CCDC83: variants seen among roughly 807,000 people sequenced by gnomAD.
CCDC83 encodes coiled-coil domain-containing protein 83.
In CCDC83, 54 loss-of-function variants were observed where a neutral mutation model predicts 50.1. The ratio of observed to expected loss-of-function variants is 1.08; its 90% CI spans 0.87 to 1.35. The LOEUF (loss-of-function observed/expected upper bound fraction) is 1.35, where lower values mean the gene tolerates loss of function less well. Ranked by LOEUF, CCDC83 falls within the 40% of genes most tolerant of loss-of-function variation. CCDC83 has a pLI of 0.00. For synonymous variants in CCDC83, 161 were observed against 153.3 expected (o/e 1.05, Z -0.37); for missense variants, 518 against 473.9 (o/e 1.09, Z -0.86).
Position 85,919,934 on chromosome 11 carries a change from C to G in CCDC83, c.*424C>G, listed in dbSNP as rs1004123402. 1 of 175,858 alleles carries G rather than the reference C, an allele frequency of 5.7e-6. No individual in the cohort carries two copies. The highest frequency in any genetic ancestry group is 1.8e-4 in the East Asian group (1 of 5,406). 10.9% of individuals were successfully genotyped at this position (175,858 alleles called of 1,614,324 possible). On this transcript the variant is annotated 3_prime_UTR_variant, in exon 11 of 11. Transcript: ENST00000342404. Reference sequence around the variant, plus strand: ...TGTGATAGACAGCCAGTCTATAATGCAAGCCAATTCTCCGTAGTTTAACCC... The same window carrying G: ...TGTGATAGACAGCCAGTCTATAATGGAAGCCAATTCTCCGTAGTTTAACCC...
intron 7 of CCDC83, among the ~76,000 whole-genome samples, chr11:85,899,502 T>C (rs529672562): frequency 1.3e-3 from 200 of 152,322 alleles, no homozygotes; most frequent in Non-Finnish European, 2.2e-3. Flanking sequence ...CCATATCTCC[T>C]TATCCTCATC....
intron 10 of CCDC83, among the ~76,000 whole-genome samples, chr11:85,917,590 A>C (rs1300134435): frequency 2.6e-5 from 4 of 152,208 alleles, no homozygotes; most frequent in Non-Finnish European, 1.5e-5. Flanking sequence ...AGTTACTCCC[A>C]CAGCCATCCC....
At chr11:85,911,475 CAAA>C in intron 8 of CCDC83, 73 bp downstream of exon 8, 2 of 1,231,336 alleles carry the variant, frequency 1.6e-6, no homozygotes, top group Non-Finnish European at 2.2e-6. Flanking sequence ...TTTTTTAAAA[CAAA>C]AAAAGATGAT....
chr11:85,911,146 G>A, intron 7 of CCDC83, 135 bp from the exon 8 acceptor site: 1 of 717,982 alleles, frequency 1.4e-6, no homozygotes, highest in Middle Eastern at 4.5e-4. Flanking sequence ...ACTCCAGCCT[G>A]GGAGACAAAA....
At chr11:85,865,871 G>A (rs1178322050) in intron 2 of CCDC83, among the ~76,000 whole-genome samples, 1 of 147,130 alleles carries the variant, frequency 6.8e-6, no homozygotes. Context: ...CTGGGCAACA[G>A]AGCAAGATTC....
intron 6 of CCDC83, 47 bp from the exon 7 acceptor site, chr11:85,898,900 G>C (rs749847571): frequency 1.6e-6 from 2 of 1,267,188 alleles, no homozygotes; most frequent in African/African-American, 2.9e-5. Flanking sequence ...CTAAAATTGT[G>C]AATCAGCATG....
chr11:85,867,165 C>T (rs1306272915), intron 2 of CCDC83, among the ~76,000 whole-genome samples: 3 of 152,078 alleles, frequency 2.0e-5, no homozygotes, highest in Non-Finnish European at 4.4e-5. Flanking sequence ...AAGTGTTCCT[C>T]CTGCCTCAGA....
At chr11:85,855,804 G>T (rs1377405681) in intron 1 of CCDC83, among the ~76,000 whole-genome samples, 1 of 152,140 alleles carries the variant, frequency 6.6e-6, no homozygotes, top group African/African-American at 2.4e-5. Flanking sequence ...CAGGAGCTGG[G>T]ACTAAGCTCG....
chr11:85,863,046 AAT>A, intron 1 of CCDC83, among the ~76,000 whole-genome samples: 1 of 152,250 alleles, frequency 6.6e-6, no homozygotes, highest in Non-Finnish European at 1.5e-5. Context: ...TAACTAAGGT[AAT>A]TGAGCAGGAT....
chr11:85,919,448 T>C lies in CCDC83; in HGVS notation c.1180T>C (p.Tyr394His). The change falls in exon 11 of 11, where the codon TAT (tyrosine) becomes CAT (histidine). Residue 394 changes from tyrosine to histidine, a missense_variant. By Grantham distance (83) the Tyr-to-His change is moderately conservative. Transcript: ENST00000342404. Reference sequence around the variant, plus strand: ...AGAGAAGGAAATTCCAGTCAAACTCTATAAAGATGTCAGGAGCCCAGAAAG... The same window carrying C: ...AGAGAAGGAAATTCCAGTCAAACTCCATAAAGATGTCAGGAGCCCAGAAAG... The part of the protein sequence containing the change: ...FQEKEIPVKL[Y>H]KDVRSPESHI... 1 of 1,613,008 alleles carries C rather than the reference T, an allele frequency of 6.2e-7. No individual in the cohort carries two copies. The highest frequency in any genetic ancestry group is 8.5e-7 in the Non-Finnish European group (1 of 1,179,118).
intron 3 of CCDC83, 27 bp from the exon 4 acceptor site, chr11:85,882,486 G>A (rs17817308): frequency 0.16 from 257,956 of 1,606,746 alleles, 23,048 homozygotes; most frequent in Non-Finnish European, 0.18. Context: ...TTGATCAAAC[G>A]TGAATTACTG....
chr11:85,915,367 GC>G, intron 8 of CCDC83, 51 bp from the exon 9 acceptor site: 3 of 1,231,178 alleles, frequency 2.4e-6, no homozygotes, highest in Admixed American at 3.7e-5. Flanking sequence ...TAGTAAGCAT[GC>G]AATGCAATAT....
At chr11:85,917,207 A>AG (rs1332880262) in intron 10 of CCDC83, among the ~76,000 whole-genome samples, 8 of 118,566 alleles carry the variant, frequency 6.7e-5, no homozygotes, top group Non-Finnish European at 1.3e-4. Context: ...AGAAAGAAAG[A>AG]AGGAAAGAAA....
chr11:85,899,039 A>T (rs759726415), intron 7 of CCDC83, 24 bp downstream of exon 7: 1 of 1,547,672 alleles, frequency 6.5e-7, no homozygotes, highest in Admixed American at 1.7e-5. Flanking sequence ...ATCAAAACAA[A>T]CAATTTCTTC....
intron 2 of CCDC83, among the ~76,000 whole-genome samples, chr11:85,869,702 G>T (rs1428095637): frequency 6.6e-6 from 1 of 152,174 alleles, no homozygotes; most frequent in African/African-American, 2.4e-5. Flanking sequence ...TCAGCACCTA[G>T]TGTGACATGT....
At chr11:85,857,758 A>G (rs1195818813) in intron 1 of CCDC83, among the ~76,000 whole-genome samples, 1 of 152,188 alleles carries the variant, frequency 6.6e-6, no homozygotes, top group East Asian at 1.9e-4. Flanking sequence ...CGACATGGGC[A>G]AAGGCTGTGC....
At chr11:85,903,363 C>T (rs989165619) in intron 7 of CCDC83, among the ~76,000 whole-genome samples, 1 of 152,066 alleles carries the variant, frequency 6.6e-6, no homozygotes, top group Non-Finnish European at 1.5e-5. Context: ...GGCATGATCT[C>T]GGCCCACTGC....
chr11:85,875,541 T>A (rs1266402825), intron 3 of CCDC83, among the ~76,000 whole-genome samples: 1 of 152,250 alleles, frequency 6.6e-6, no homozygotes, highest in East Asian at 1.9e-4. Context: ...TCCCCCAACC[T>A]AAGTTGGAAT....
intron 1 of CCDC83, among the ~76,000 whole-genome samples, chr11:85,860,466 T>C (rs1171055187): frequency 6.6e-6 from 1 of 152,014 alleles, no homozygotes; most frequent in African/African-American, 2.4e-5. Flanking sequence ...GGAATCACAA[T>C]GGTAATTATT....
Sources: gnomAD v4.1 joint callset for allele counts (sites outside exome capture counted in the v4.1 genomes callset) on GRCh38, gnomAD v4.1.1 for gene constraint, MANE v1.5 for transcripts, NCBI Gene and HGNC (gene_info 2026-07-23, HGNC 2026-07-21) for gene names.